DLG2: variants seen among roughly 807,000 people sequenced by gnomAD.
The protein encoded by DLG2 is disks large homolog 2.
Under a neutral mutation model 132.5 loss-of-function variants are expected in DLG2, and 45 were observed. The observed-to-expected ratio is 0.34, with a 90% CI of 0.27 to 0.44. DLG2 has a LOEUF of 0.44. DLG2 is among the 20% of genes least tolerant of loss of function. DLG2 has a pLI of 1.00. For synonymous variants in DLG2, 424 were observed against 419.6 expected (o/e 1.01, Z -0.13); for missense variants, 1,045 against 1,196.9 (o/e 0.87, Z 1.87).
intron 7 of DLG2, among the ~76,000 whole-genome samples, chr11:84,255,285 T>C (rs2097449544): frequency 1.3e-5 from 2 of 152,136 alleles, no homozygotes; most frequent in Admixed American, 1.3e-4. Context: ...CCAAGTATTT[T>C]CTCCACATTT....
chr11:85,592,188 T>C (rs2079401779), intron 3 of DLG2, among the ~76,000 whole-genome samples: 1 of 152,232 alleles, frequency 6.6e-6, no homozygotes, highest in Non-Finnish European at 1.5e-5. Flanking sequence ...GCATTTGGTC[T>C]TAATAGCATC....
At position 85,210,179 on chromosome 11, in the gene DLG2, T is replaced by A. The variant is rs185562886; in HGVS notation, c.187-55528A>T. 1.9e-4 allele frequency among the ~76,000 whole-genome samples: 29 copies of A among 152,238 alleles called. No individual in the cohort carries two copies. In the East Asian group the frequency reaches 5.0e-3, roughly 26 times the overall value. ...CCCAGTAAAGACATATTTTTTTGGG[T>A]CAGTTTAATTCCCTTCAATATTCCA... On this transcript the variant is annotated intron_variant, in intron 4 of 27. Transcript: ENST00000376104.
chr11:84,618,228 G>T (rs1044047482), intron 6 of DLG2, among the ~76,000 whole-genome samples: 1 of 151,948 alleles, frequency 6.6e-6, no homozygotes, highest in African/African-American at 2.4e-5. Flanking sequence ...TGAACCTGGG[G>T]TCTTGATGCT....
intron 19 of DLG2, among the ~76,000 whole-genome samples, chr11:83,580,439 G>T (rs778076946): frequency 1.3e-5 from 2 of 151,942 alleles, no homozygotes; most frequent in Admixed American, 6.6e-5. Context: ...TTCTGCCCAC[G>T]TGAAATTAGG....
intron 7 of DLG2, among the ~76,000 whole-genome samples, chr11:84,312,401 C>T (rs139481215): frequency 8.4e-4 from 128 of 152,286 alleles, no homozygotes; most frequent in Middle Eastern, 3.4e-3. Context: ...ATTGCTTGAA[C>T]GTGGACGGCA....
chr11:84,426,107 A>G (rs2098965689), intron 7 of DLG2, among the ~76,000 whole-genome samples: 1 of 152,180 alleles, frequency 6.6e-6, no homozygotes, highest in Non-Finnish European at 1.5e-5. Context: ...TAAATGAAAG[A>G]GGAACTTAGC....
chr11:83,536,139 T>G (rs1001129036), intron 20 of DLG2, among the ~76,000 whole-genome samples: 2 of 152,174 alleles, frequency 1.3e-5, no homozygotes, highest in African/African-American at 4.8e-5. Context: ...TGATAACCAA[T>G]GTACCCTTGC....
At chr11:84,116,293 A>C (rs2093630326) in intron 9 of DLG2, among the ~76,000 whole-genome samples, 1 of 152,264 alleles carries the variant, frequency 6.6e-6, no homozygotes, top group African/African-American at 2.4e-5. Context: ...TTTAGCACAT[A>C]AAAGGTACTC....
At chr11:84,344,731 G>T (rs1021067375) in intron 7 of DLG2, among the ~76,000 whole-genome samples, 1 of 152,114 alleles carries the variant, frequency 6.6e-6, no homozygotes, top group Non-Finnish European at 1.5e-5. Flanking sequence ...AACGTTCCCT[G>T]TCTGAAGAAT....
chr11:83,849,741 T>C (rs1001248081), intron 16 of DLG2, among the ~76,000 whole-genome samples: 1 of 121,714 alleles, frequency 8.2e-6, no homozygotes, highest in Non-Finnish European at 1.8e-5. Context: ...TTTTACAATC[T>C]GGAGCTCCTT....
At chr11:83,871,638 G>GCTCAGTTACAATGATTATGTGC (rs6144417) in intron 16 of DLG2, among the ~76,000 whole-genome samples, 3 of 151,742 alleles carry the variant, frequency 2.0e-5, no homozygotes, top group South Asian at 4.2e-4. Flanking sequence ...CCCACTATGT[G>GCTCAGTTACAATGATTATGTGC]CACGTTATCT....
intron 6 of DLG2, among the ~76,000 whole-genome samples, chr11:84,839,345 GAC>G (rs1188918307): frequency 6.6e-6 from 1 of 151,944 alleles, no homozygotes; most frequent in East Asian, 1.9e-4. Context: ...AATAAAAGAG[GAC>G]ACAAACAAAT....
intron 14 of DLG2, among the ~76,000 whole-genome samples, chr11:83,932,674 G>A (rs754523554): frequency 1.3e-5 from 2 of 151,540 alleles, no homozygotes; most frequent in Non-Finnish European, 2.9e-5. Context: ...CACATAGTAG[G>A]TATTTGGTAA....
At chr11:83,780,199 C>T (rs952851911) in intron 18 of DLG2, among the ~76,000 whole-genome samples, 6 of 152,136 alleles carry the variant, frequency 3.9e-5, no homozygotes, top group African/African-American at 1.4e-4. Context: ...TCTTGGATGG[C>T]GTATGTACTT....
chr11:85,451,135 C>T (rs1005356184), intron 3 of DLG2, among the ~76,000 whole-genome samples: 8 of 152,100 alleles, frequency 5.3e-5, no homozygotes, highest in African/African-American at 1.7e-4. Flanking sequence ...TCTAATCTAA[C>T]CCATATCTGC....
rs565171402 is a variant in DLG2, at chr11:85,429,968, A to T, written c.41-144603T>A. ...GACTTGGAACCAACCCAAATGTCCAACAATGATAGACTGGATTAAGAAAAT... is the reference window on the plus strand; with the variant it reads ...GACTTGGAACCAACCCAAATGTCCATCAATGATAGACTGGATTAAGAAAAT... On this transcript the variant is annotated intron_variant, in intron 3 of 27. Transcript: ENST00000376104. Among the ~76,000 whole-genome samples the T allele has an allele frequency of 2.5e-3, 381 of 152,288 alleles. 2 individuals carry two copies. Among genetic ancestry groups the T allele is most frequent in the Admixed American group, 3.3e-3 (51 of 15,284 alleles).
chr11:84,977,707 C>T (rs542048790), intron 6 of DLG2, among the ~76,000 whole-genome samples: 2 of 152,242 alleles, frequency 1.3e-5, no homozygotes, highest in Admixed American at 1.3e-4. Context: ...CAATCAGTGA[C>T]CCACTTCTCC....
chr11:84,346,212 A>G (rs1398922029), intron 7 of DLG2, among the ~76,000 whole-genome samples: 2 of 152,202 alleles, frequency 1.3e-5, no homozygotes, highest in East Asian at 3.9e-4. Flanking sequence ...ATACTCTCAA[A>G]TGGATCTGAC....
At position 84,584,648 on chromosome 11, in the gene DLG2, G is replaced by A. The variant is rs183013537; in HGVS notation, c.358-49917C>T. Among the ~76,000 whole-genome samples, 69 of 141,802 alleles carry A rather than the reference G, an allele frequency of 4.9e-4. 1 individual carries two copies. The highest frequency in any genetic ancestry group is 1.7e-3 in the African/African-American group (65 of 38,398). The allele number at this position is 141,802 out of a possible 152,430, so 93.0% of individuals were successfully genotyped here. Reference sequence around the variant, plus strand: ...CCCAAAGTGCTGGGATTATAAGCCTGAGCTGCTGTACCTGGCCCAGCATTC... The same window carrying A: ...CCCAAAGTGCTGGGATTATAAGCCTAAGCTGCTGTACCTGGCCCAGCATTC... On this transcript the variant is annotated intron_variant, in intron 6 of 27. Coordinates refer to ENST00000376104, the MANE Select transcript of DLG2 (RefSeq NM_001142699.3).
Sources: allele counts gnomAD v4.1 joint callset (sites outside exome capture counted in the v4.1 genomes callset), GRCh38; gene constraint gnomAD v4.1.1; transcripts MANE v1.5; gene names NCBI Gene and HGNC (gene_info 2026-07-23, HGNC 2026-07-21).